The following CNTNAP2 variants were observed in gnomAD, a reference collection of about 807,000 sequenced individuals.
CNTNAP2 encodes the protein contactin associated protein 2.
In CNTNAP2, 98 loss-of-function variants were observed where a neutral mutation model predicts 155.2. That is an observed-to-expected ratio of 0.63 (90% CI 0.54 to 0.75). The LOEUF (loss-of-function observed/expected upper bound fraction) is 0.75. CNTNAP2 is among the 30% of genes least tolerant of loss of function. The probability of loss-of-function intolerance (pLI) is 0.00; values close to 1 mark genes in which losing one functional copy is unlikely to be tolerated. For synonymous variants in CNTNAP2, 651 were observed against 631.2 expected (o/e 1.03, Z -0.47); for missense variants, 1,727 against 1,688.1 (o/e 1.02, Z -0.40).
chr7:146,373,032 A>T (rs1430786413), intron 1 of CNTNAP2, among the ~76,000 whole-genome samples: 2 of 152,210 alleles, frequency 1.3e-5, no homozygotes, highest in East Asian at 3.8e-4. Context: ...AAACTAGTAG[A>T]GAAAATTAAA....
chr7:148,035,890 A>G (rs1270181753), intron 15 of CNTNAP2, among the ~76,000 whole-genome samples: 4 of 152,212 alleles, frequency 2.6e-5, no homozygotes, highest in Admixed American at 2.6e-4. Context: ...CCTCAACTCC[A>G]GTGTGTTCAG....
At position 146,760,409 on chromosome 7, in the gene CNTNAP2, C is replaced by CTTTTTTTTTTTTTTT. The variant is rs532820418; in HGVS notation, c.98-13843_98-13829dup. Among the ~76,000 whole-genome samples the CTTTTTTTTTTTTTTT allele has an allele frequency of 7.1e-3, 400 of 56,302 alleles. 54 individuals carry two copies. Among genetic ancestry groups the CTTTTTTTTTTTTTTT allele is most frequent in the East Asian group, 8.9e-3 (11 of 1,240 alleles). The allele number at this position is 56,302 out of a possible 152,430, so 36.9% of individuals were successfully genotyped here. On this transcript the variant is annotated intron_variant, in intron 1 of 23. Transcript: ENST00000361727. ...CACCTCTGTATCATCTCCAATTTACCTTTTTTTTTTTTTTTTTTTTTTTTT... is the reference window on the plus strand; with the variant it reads ...CACCTCTGTATCATCTCCAATTTACCTTTTTTTTTTTTTTTTTTTTTTTTTTTTTTTTTTTTTTTT...
chr7:146,197,966 G>A (rs1798799830), intron 1 of CNTNAP2, among the ~76,000 whole-genome samples: 1 of 152,140 alleles, frequency 6.6e-6, no homozygotes, highest in Admixed American at 6.5e-5. Context: ...AGCAAGGCAT[G>A]TCTTACATGG....
At chr7:147,405,324 T>G (rs1204583637) in intron 10 of CNTNAP2, among the ~76,000 whole-genome samples, 1 of 152,220 alleles carries the variant, frequency 6.6e-6, no homozygotes, top group African/African-American at 2.4e-5. Flanking sequence ...TCTTAACAAG[T>G]GCTTTCTTCT....
At chr7:146,228,800 T>G (rs1562998266) in intron 1 of CNTNAP2, among the ~76,000 whole-genome samples, 1 of 152,178 alleles carries the variant, frequency 6.6e-6, no homozygotes, top group Admixed American at 6.6e-5. Flanking sequence ...TTTTAACCAT[T>G]GAGCATACGG....
intron 4 of CNTNAP2, among the ~76,000 whole-genome samples, chr7:147,097,141 G>T (rs1193735967): frequency 6.6e-6 from 1 of 152,134 alleles, no homozygotes; most frequent in African/African-American, 2.4e-5. Flanking sequence ...AACTAATTTA[G>T]CTTTCAGGAA....
At chr7:146,780,982 A>G (rs1230544528) in intron 2 of CNTNAP2, among the ~76,000 whole-genome samples, 2 of 151,936 alleles carry the variant, frequency 1.3e-5, no homozygotes, top group African/African-American at 4.8e-5. Context: ...TAATCCCAGC[A>G]CTTTGGGAGG....
intron 1 of CNTNAP2, among the ~76,000 whole-genome samples, chr7:146,250,754 G>C (rs954081956): frequency 5.3e-5 from 8 of 152,098 alleles, no homozygotes; most frequent in African/African-American, 1.9e-4. Context: ...CTCTGCTGGT[G>C]GTGGGTTGAT....
At chr7:146,366,405 A>G (rs530099649) in intron 1 of CNTNAP2, among the ~76,000 whole-genome samples, 4 of 152,174 alleles carry the variant, frequency 2.6e-5, no homozygotes, top group Non-Finnish European at 5.9e-5. Flanking sequence ...ATACGTTATT[A>G]AAAACCATTT....
At chr7:147,087,526 G>T (rs1800303973) in intron 4 of CNTNAP2, among the ~76,000 whole-genome samples, 1 of 152,122 alleles carries the variant, frequency 6.6e-6, no homozygotes, top group South Asian at 2.1e-4. Flanking sequence ...TATAAATATT[G>T]GCTCTTGTCT....
Position 146,790,058 on chromosome 7 carries a change from T to C in CNTNAP2, c.208+15677T>C, listed in dbSNP as rs191611779. 2.3e-3 allele frequency among the ~76,000 whole-genome samples: 345 copies of C among 152,132 alleles called. 2 individuals are homozygous for C. The highest frequency in any genetic ancestry group is 7.9e-3 in the African/African-American group (328 of 41,502). On this transcript the variant is annotated intron_variant, in intron 2 of 23. Transcript: ENST00000361727. ...CATTTTGCCTTTCATTTTGTTGTTG[T>C]TTAGTAGAATGACCATACTTCCTGG...
chr7:146,274,682 T>C (rs1800136321), intron 1 of CNTNAP2, among the ~76,000 whole-genome samples: 1 of 152,072 alleles, frequency 6.6e-6, no homozygotes, highest in Non-Finnish European at 1.5e-5. Context: ...CGGTTTTCCA[T>C]GGATGAAGAA....
chr7:148,253,027 TA>T (rs1425608288), intron 20 of CNTNAP2, among the ~76,000 whole-genome samples: 1 of 114,862 alleles, frequency 8.7e-6, no homozygotes, highest in East Asian at 2.5e-4. Flanking sequence ...GATAGATAGA[TA>T]GATAGATAGA....
At chr7:146,710,164 TGGATTA>T (rs199765100) in intron 1 of CNTNAP2, among the ~76,000 whole-genome samples, 8 of 152,034 alleles carry the variant, frequency 5.3e-5, no homozygotes, top group Non-Finnish European at 7.4e-5. Flanking sequence ...GAATGAAACA[TGGATTA>T]GGATTAGGAT....
At chr7:148,006,990 CTGAT>C (rs906341374) in intron 15 of CNTNAP2, among the ~76,000 whole-genome samples, 6 of 152,182 alleles carry the variant, frequency 3.9e-5, no homozygotes, top group African/African-American at 1.4e-4. Flanking sequence ...ATCTGTGCCT[CTGAT>C]TGGCCTTATA....
At chr7:146,618,659 T>C (rs1299088874) in intron 1 of CNTNAP2, among the ~76,000 whole-genome samples, 1 of 152,166 alleles carries the variant, frequency 6.6e-6, no homozygotes, top group Non-Finnish European at 1.5e-5. Context: ...TGTTAGTTCA[T>C]TTAATGAGTA....
At chr7:148,177,440 A>C (rs1036939025) in intron 18 of CNTNAP2, among the ~76,000 whole-genome samples, 1 of 152,218 alleles carries the variant, frequency 6.6e-6, no homozygotes, top group Admixed American at 6.5e-5. Context: ...ATTCTTCCCT[A>C]GAGTTTTCGA....
At chr7:146,979,327 C>G (rs1189710479) in intron 3 of CNTNAP2, among the ~76,000 whole-genome samples, 2 of 152,148 alleles carry the variant, frequency 1.3e-5, no homozygotes, top group African/African-American at 4.8e-5. Context: ...ATTGCTGTCT[C>G]TTTTATACTT....
chr7:146,982,714 A>G (rs73463241), intron 3 of CNTNAP2, among the ~76,000 whole-genome samples: 2,505 of 152,210 alleles, frequency 0.016, 62 homozygotes, highest in African/African-American at 0.058. Context: ...GCCTCTGATC[A>G]GACTCAGTGT....
Sources: gnomAD v4.1 joint callset for allele counts (sites outside exome capture counted in the v4.1 genomes callset) on GRCh38, gnomAD v4.1.1 for gene constraint, MANE v1.5 for transcripts, NCBI Gene and HGNC (gene_info 2026-07-23, HGNC 2026-07-21) for gene names.